The following BCR variants were observed in gnomAD, a reference collection of about 807,000 sequenced individuals.
The protein encoded by BCR is BCR activator of RhoGEF and GTPase, also known as breakpoint cluster region protein.
A neutral mutation model predicts 138.6 loss-of-function variants in BCR; 58 were observed. That is an observed-to-expected ratio of 0.42 (90% CI 0.34 to 0.52). The LOEUF (loss-of-function observed/expected upper bound fraction) is 0.52. Among genes scored for constraint, BCR ranks in the 20% least tolerant of loss-of-function variants. BCR has a pLI of 0.06. For missense variants in BCR, 1,599 were observed against 1,727.2 expected (o/e 0.93, Z 1.32); for synonymous variants, 786 against 730.1 (o/e 1.08, Z -1.23).
intron 1 of BCR, among the ~76,000 whole-genome samples, chr22:23,242,358 C>T (rs1047225981): frequency 3.3e-5 from 5 of 152,138 alleles, no homozygotes; most frequent in Admixed American, 3.3e-4. Context: ...GTGATAAGGG[C>T]TATTTTCTCC....
At chr22:23,200,717 C>T (rs1355296901) in intron 1 of BCR, among the ~76,000 whole-genome samples, 2 of 152,028 alleles carry the variant, frequency 1.3e-5, no homozygotes, top group Admixed American at 1.3e-4. Flanking sequence ...TGCCACCATG[C>T]CCAGCTAATT....
chr22:23,186,547 C>T (rs1428169768), intron 1 of BCR, among the ~76,000 whole-genome samples: 1 of 152,140 alleles, frequency 6.6e-6, no homozygotes, highest in Non-Finnish European at 1.5e-5. Context: ...ATAATAACTC[C>T]CCATTCCCTG....
chr22:23,252,129 T>C (rs559974496), intron 1 of BCR, among the ~76,000 whole-genome samples: 12 of 152,258 alleles, frequency 7.9e-5, no homozygotes, highest in African/African-American at 1.2e-4. Context: ...GGTACTCACA[T>C]TGGGGTAAGG....
intron 12 of BCR, 80 bp from the exon 13 acceptor site, chr22:23,289,437 G>A (rs1602108643): frequency 2.5e-6 from 3 of 1,202,484 alleles, no homozygotes; most frequent in East Asian, 4.7e-5. Context: ...CCCAGGGTGT[G>A]TGGTGGAGGT....
Position 23,261,049 on chromosome 22 carries a change from C to T in BCR, c.1561C>T (p.Leu521=), listed in dbSNP as rs765159430. Residue 521 remains leucine, a synonymous_variant, in exon 3 of 23, where the codon CTG becomes TTG. Transcript: ENST00000305877. ...TTACCTGAGCCACCTGGAGGCACTGCTGCTGGTGAGGAGGATTTAGGGAGC... is the reference window on the plus strand; with the variant it reads ...TTACCTGAGCCACCTGGAGGCACTGTTGCTGGTGAGGAGGATTTAGGGAGC... ...ETYLSHLEAL[L]LPMKPLKAAA... 6 of 1,613,314 alleles carry T rather than the reference C, an allele frequency of 3.7e-6. No individual in the cohort carries two copies. The highest frequency in any genetic ancestry group is 3.3e-5 in the Admixed American group (2 of 59,978).
At chr22:23,242,137 A>G (rs2073100284) in intron 1 of BCR, among the ~76,000 whole-genome samples, 1 of 152,248 alleles carries the variant, frequency 6.6e-6, no homozygotes, top group Non-Finnish European at 1.5e-5. Flanking sequence ...AGTCAAGTCC[A>G]GACAAGTGGC....
At chr22:23,272,027 C>T (rs146330995) in intron 6 of BCR, among the ~76,000 whole-genome samples, 10 of 152,254 alleles carry the variant, frequency 6.6e-5, no homozygotes, top group Non-Finnish European at 1.2e-4. Flanking sequence ...GGTTTCCCTC[C>T]GTATTGGTCA....
chr22:23,240,655 GA>G (rs778252088), intron 1 of BCR, among the ~76,000 whole-genome samples: 6 of 142,150 alleles, frequency 4.2e-5, no homozygotes, highest in South Asian at 2.3e-4. Context: ...GTCTCAAAAA[GA>G]AAAAAAAAAG....
At chr22:23,201,040 A>C (rs895924053) in intron 1 of BCR, among the ~76,000 whole-genome samples, 1 of 152,240 alleles carries the variant, frequency 6.6e-6, no homozygotes, top group African/African-American at 2.4e-5. Flanking sequence ...TGGTGCTGCT[A>C]AGCCCAAAGA....
intron 1 of BCR, among the ~76,000 whole-genome samples, chr22:23,214,715 A>G (rs1256422873): frequency 3.9e-5 from 6 of 152,346 alleles, no homozygotes; most frequent in Admixed American, 6.5e-5. Flanking sequence ...GAGCAGAGAA[A>G]CAGAGTCGGC....
intron 1 of BCR, chr22:23,199,369 CT>C (rs777319929): frequency 2.0e-6 from 1 of 511,524 alleles, no homozygotes; most frequent in East Asian, 5.5e-5. Context: ...CCCGCGGTTG[CT>C]TATTTATCCT....
chr22:23,271,475 C>G lies in BCR; in HGVS notation c.1861-57C>G. On this transcript the variant is annotated intron_variant, in intron 5 of 22. Transcript: ENST00000305877. ...AAATTGTTGCCAAAGGGGGAACTGT[C>G]TGCATCATCAAAGCTGCTTCTGTCA... 3.2e-6 allele frequency: 5 copies of G among 1,554,656 alleles called. No individual in the cohort carries two copies. In the South Asian group the frequency reaches 5.6e-5, roughly 17 times the overall value.
At position 23,235,987 on chromosome 22, in the gene BCR, A is replaced by G. The variant is rs75577345; in HGVS notation, c.1280-17812A>G. Among the ~76,000 whole-genome samples, 419 of 152,322 alleles carry G rather than the reference A, an allele frequency of 2.8e-3. 1 individual carries two copies. The highest frequency in any genetic ancestry group is 9.6e-3 in the African/African-American group (400 of 41,574). ...ACATAGGAATTTTGCAGAGATGTGA[A>G]CATTTATTCTGTGTGCTGTAAGGGG... is the stretch of plus-strand genomic sequence containing the variant. On this transcript the variant is annotated intron_variant, in intron 1 of 22. Transcript: ENST00000305877.
intron 1 of BCR, among the ~76,000 whole-genome samples, chr22:23,231,279 G>A (rs765073618): frequency 1.4e-4 from 21 of 152,076 alleles, no homozygotes; most frequent in African/African-American, 4.1e-4. Context: ...AGGCCAAGGC[G>A]GGAAGATCAC....
At chr22:23,236,478 C>T (rs916412060) in intron 1 of BCR, among the ~76,000 whole-genome samples, 22 of 152,234 alleles carry the variant, frequency 1.4e-4, no homozygotes, top group Non-Finnish European at 3.2e-4. Context: ...CCCAGGCTTT[C>T]CTGGTACAGT....
At chr22:23,288,049 C>A in intron 11 of BCR, 48 bp from the exon 12 acceptor site, 2 of 1,579,836 alleles carry the variant, frequency 1.3e-6, no homozygotes, top group Non-Finnish European at 1.7e-6. Flanking sequence ...CAGGCATTTG[C>A]GTAGCCAGGG....
chr22:23,210,342 G>A (rs1228964402), intron 1 of BCR, among the ~76,000 whole-genome samples: 1 of 151,888 alleles, frequency 6.6e-6, no homozygotes, highest in East Asian at 1.9e-4. Context: ...GCTTGAGCCC[G>A]GGAGGTCGAG....
intron 1 of BCR, among the ~76,000 whole-genome samples, chr22:23,182,491 C>T (rs918981961): frequency 1.3e-5 from 2 of 152,152 alleles, no homozygotes; most frequent in African/African-American, 4.8e-5. Flanking sequence ...TGGTTTGTTC[C>T]TTTGGTTCTA....
intron 4 of BCR, chr22:23,263,402 C>T (rs750705221): frequency 4.5e-5 from 56 of 1,253,384 alleles, no homozygotes; most frequent in Non-Finnish European, 6.1e-5. Flanking sequence ...TGACCAGTGT[C>T]CCAGTGAAGG....
Sources: allele counts gnomAD v4.1 joint callset (sites outside exome capture counted in the v4.1 genomes callset), GRCh38; gene constraint gnomAD v4.1.1; transcripts MANE v1.5; gene names NCBI Gene and HGNC (gene_info 2026-07-23, HGNC 2026-07-21).